Variants in CPXM2 observed in about 807,000 individuals in gnomAD.
CPXM2 encodes carboxypeptidase X, M14 family member 2.
CPXM2 carries 66 observed loss-of-function variants against 86.1 expected under a neutral mutation model. The ratio of observed to expected loss-of-function variants is 0.77; its 90% CI spans 0.63 to 0.94. CPXM2 has a LOEUF of 0.94. Ranked by LOEUF, CPXM2 falls within the 40% of genes least tolerant of loss-of-function variation. The pLI is 0.00. For synonymous variants in CPXM2, 388 were observed against 400.2 expected (o/e 0.97, Z 0.36); for missense variants, 948 against 1,026.3 (o/e 0.92, Z 1.04).
intron 3 of CPXM2, among the ~76,000 whole-genome samples, chr10:123,842,728 G>T (rs1406349482): frequency 6.6e-6 from 1 of 152,218 alleles, no homozygotes; most frequent in Non-Finnish European, 1.5e-5. Context: ...CAGTGTGAAA[G>T]ATGAAATTTA....
chr10:123,866,033 A>C (rs1848971810), intron 2 of CPXM2, among the ~76,000 whole-genome samples: 1 of 151,306 alleles, frequency 6.6e-6, no homozygotes, highest in African/African-American at 2.4e-5. Context: ...CCATCACACA[A>C]TGTTCTGCTC....
intron 3 of CPXM2, among the ~76,000 whole-genome samples, chr10:123,848,696 T>C (rs919337960): frequency 1.3e-5 from 2 of 152,232 alleles, no homozygotes; most frequent in Admixed American, 1.3e-4. Context: ...CAATTATTAA[T>C]TCATTTATGA....
chr10:123,751,556 T>C (rs1331404000), intron 13 of CPXM2: 4 of 985,156 alleles, frequency 4.1e-6, no homozygotes, highest in Admixed American at 1.2e-4. Context: ...GTCAGTTCAG[T>C]ACCCACCAAG....
chr10:123,916,404 A>C (rs17618174), intron 2 of CPXM2, among the ~76,000 whole-genome samples: 53,501 of 151,968 alleles, frequency 0.35, 9,815 homozygotes, highest in Middle Eastern at 0.55. Context: ...AAGACTGAGA[A>C]AACCAGAGCC....
Position 123,915,915 on chromosome 10 carries a change from T to C in CPXM2, n.174+23562A>G, listed in dbSNP as rs28408410. 2.0e-3 allele frequency among the ~76,000 whole-genome samples: 301 copies of C among 152,252 alleles called. 2 individuals carry two copies. Among genetic ancestry groups the C allele is most frequent in the South Asian group, 4.4e-3 (21 of 4,816 alleles). ...CTCCTGACGTTGGCCAGCAAAGCCCTCTGCTGCCCTTGAGCAATTTTCTGC... is the reference window on the plus strand; with the variant it reads ...CTCCTGACGTTGGCCAGCAAAGCCCCCTGCTGCCCTTGAGCAATTTTCTGC... On this transcript the variant is annotated intron_variant and non_coding_transcript_variant, in intron 2 of 19. Coordinates refer to the CPXM2 transcript ENST00000368854.
chr10:123,905,257 A>G (rs1282991712), intron 2 of CPXM2, among the ~76,000 whole-genome samples: 1 of 152,230 alleles, frequency 6.6e-6, no homozygotes, highest in Non-Finnish European at 1.5e-5. Flanking sequence ...ATTTGCAGGC[A>G]GTGCTTCCAG....
chr10:123,753,953 T>C (rs1448300019), intron 13 of CPXM2, among the ~76,000 whole-genome samples: 1 of 152,190 alleles, frequency 6.6e-6, no homozygotes, highest in Non-Finnish European at 1.5e-5. Context: ...TTTCATCTAA[T>C]GACAGCATCA....
chr10:123,883,085 C>G (rs895699489), intron 1 of CPXM2, among the ~76,000 whole-genome samples: 2 of 152,222 alleles, frequency 1.3e-5, no homozygotes, highest in Admixed American at 6.5e-5. Flanking sequence ...CCGGGCACCC[C>G]CAGGCCCAGG....
intron 4 of CPXM2, among the ~76,000 whole-genome samples, chr10:123,836,173 A>T (rs1848275957): frequency 6.6e-6 from 1 of 151,944 alleles, no homozygotes; most frequent in Non-Finnish European, 1.5e-5. Flanking sequence ...AAGCCTCAAG[A>T]TTCCCAGAAA....
At chr10:123,878,292 CTCTCTTTTT>C (rs1226818135) in intron 2 of CPXM2, among the ~76,000 whole-genome samples, 47 of 121,836 alleles carry the variant, frequency 3.9e-4, no homozygotes, top group African/African-American at 1.5e-3. Context: ...CCCTTTTTTT[CTCTCTTTTT>C]TTTTTTTTTT....
upstream of CPXM2, among the ~76,000 whole-genome samples, chr10:123,895,112 CTTTTTTTTCTTTTTTTTTTTTTTTT>C (rs1262609601): frequency 4.5e-4 from 50 of 111,738 alleles, no homozygotes; most frequent in Admixed American, 3.6e-3. Flanking sequence ...TTTTTTTTTT[CTTTTTTTTCTTTTTTTTTTTTTTTT>C]TTTTTTGACA....
intron 3 of CPXM2, among the ~76,000 whole-genome samples, chr10:123,856,540 G>A (rs2885578): frequency 0.091 from 13,915 of 152,120 alleles, 1,369 homozygotes; most frequent in African/African-American, 0.24. Context: ...CACTTCCTAA[G>A]ACTACCTACA....
At chr10:123,787,482 C>A (rs1040659184) in intron 6 of CPXM2, among the ~76,000 whole-genome samples, 3 of 152,090 alleles carry the variant, frequency 2.0e-5, no homozygotes, top group Admixed American at 1.3e-4. Flanking sequence ...TACAGGCACC[C>A]ACCACCACGC....
At chr10:123,878,578 G>A (rs1022015554) in intron 2 of CPXM2, among the ~76,000 whole-genome samples, 1 of 150,056 alleles carries the variant, frequency 6.7e-6, no homozygotes, top group African/African-American at 2.5e-5. Flanking sequence ...TCCGAAAATG[G>A]TCTCCTCAAA....
intron 2 of CPXM2, among the ~76,000 whole-genome samples, chr10:123,904,032 A>ATGAG (rs1183196397): frequency 6.6e-6 from 1 of 152,224 alleles, no homozygotes; most frequent in African/African-American, 2.4e-5. Context: ...AAAAACATAG[A>ATGAG]TGAGCCTTAG....
At chr10:123,860,526 C>T (rs560705274) in intron 3 of CPXM2, among the ~76,000 whole-genome samples, 2 of 152,372 alleles carry the variant, frequency 1.3e-5, no homozygotes, top group Non-Finnish European at 2.9e-5. Flanking sequence ...TTAGGATTAA[C>T]AGGACCTTTT....
chr10:123,800,111 G>A (rs1223872302), intron 4 of CPXM2, among the ~76,000 whole-genome samples: 3 of 149,306 alleles, frequency 2.0e-5, no homozygotes, highest in Non-Finnish European at 4.4e-5. Context: ...TTGCCCTCAG[G>A]ATTCAGATCT....
At chr10:123,864,566 C>G (rs1344508798) in intron 2 of CPXM2, among the ~76,000 whole-genome samples, 2 of 152,210 alleles carry the variant, frequency 1.3e-5, no homozygotes, top group Non-Finnish European at 2.9e-5. Flanking sequence ...CAACCACCAG[C>G]TTCTTCCTTG....
At position 123,796,076 on chromosome 10, in the gene CPXM2, G is replaced by A. The variant is rs549966204; in HGVS notation, c.889+1900C>T. On this transcript the variant is annotated intron_variant, in intron 6 of 13. Coordinates refer to ENST00000241305, the MANE Select transcript of CPXM2 (RefSeq NM_198148.3). Reference sequence around the variant, plus strand: ...CCTGAAGATACCTGTGCCCACAGTCGCCCTGTGCTGGAGAGCCCAGCGGGT... The same window carrying A: ...CCTGAAGATACCTGTGCCCACAGTCACCCTGTGCTGGAGAGCCCAGCGGGT... Among the ~76,000 whole-genome samples, 14 of 152,284 alleles carry A rather than the reference G, an allele frequency of 9.2e-5. No individual in the cohort carries two copies. In the East Asian group the frequency reaches 1.9e-3, roughly 21 times the overall value.
Sources: gnomAD v4.1 joint callset for allele counts (sites outside exome capture counted in the v4.1 genomes callset) on GRCh38, gnomAD v4.1.1 for gene constraint, MANE v1.5 for transcripts, NCBI Gene and HGNC (gene_info 2026-07-23, HGNC 2026-07-21) for gene names.